The following COL26A1 variants were observed in gnomAD, a reference collection of about 807,000 sequenced individuals.
COL26A1 encodes the protein collagen type XXVI alpha 1 chain.
COL26A1 carries 41 observed loss-of-function variants against 59.3 expected under a neutral mutation model. The ratio of observed to expected loss-of-function variants is 0.69; its 90% CI spans 0.54 to 0.90. The LOEUF is 0.90. Among genes scored for constraint, COL26A1 ranks in the 40% least tolerant of loss-of-function variants. The probability of loss-of-function intolerance (pLI) is 0.00; values close to 1 mark genes in which losing one functional copy is unlikely to be tolerated. For missense variants in COL26A1, 612 were observed against 602.3 expected, an observed-to-expected ratio of 1.02 and a Z score of -0.17; for synonymous variants, 266 against 256.0, an observed-to-expected ratio of 1.04 and a Z score of -0.37.
intron 3 of COL26A1, among the ~76,000 whole-genome samples, chr7:101,521,718 C>G (rs1033595301): frequency 1.1e-4 from 16 of 152,162 alleles, no homozygotes; most frequent in Non-Finnish European, 1.5e-5. Context: ...CCTGTGTAAC[C>G]AGCACCCACA....
intron 1 of COL26A1, among the ~76,000 whole-genome samples, chr7:101,393,525 C>T (rs1484057337): frequency 6.6e-6 from 1 of 152,166 alleles, no homozygotes; most frequent in African/African-American, 2.4e-5. Context: ...GGTGGGTCTG[C>T]CTTTCCCAGC....
At chr7:101,488,731 C>T (rs750324751) in intron 3 of COL26A1, among the ~76,000 whole-genome samples, 4 of 152,166 alleles carry the variant, frequency 2.6e-5, no homozygotes, top group Non-Finnish European at 5.9e-5. Context: ...ACACTGTCGT[C>T]CAGCCATCTC....
chr7:101,469,758 G>A (rs1229082013), intron 3 of COL26A1, among the ~76,000 whole-genome samples: 2 of 152,000 alleles, frequency 1.3e-5, no homozygotes, highest in Non-Finnish European at 2.9e-5. Flanking sequence ...CCAAAGTGAT[G>A]GGATTACAGG....
chr7:101,391,712 G>A (rs991070008), intron 1 of COL26A1, among the ~76,000 whole-genome samples: 11 of 152,022 alleles, frequency 7.2e-5, no homozygotes, highest in Non-Finnish European at 1.5e-4. Flanking sequence ...GTGCCACCAC[G>A]CCCGGCTAAT....
chr7:101,367,534 G>A (rs1050545130), intron 1 of COL26A1, among the ~76,000 whole-genome samples: 5 of 95,488 alleles, frequency 5.2e-5, no homozygotes, highest in African/African-American at 3.5e-4. Context: ...GCGTGGTGGT[G>A]CACACCGGTA....
At chr7:101,403,092 C>T (rs1276849737) in intron 1 of COL26A1, among the ~76,000 whole-genome samples, 2 of 152,126 alleles carry the variant, frequency 1.3e-5, no homozygotes, top group Non-Finnish European at 2.9e-5. Context: ...AATCCTCCCT[C>T]CTCAGCCTCC....
intron 3 of COL26A1, among the ~76,000 whole-genome samples, chr7:101,504,252 C>G (rs1794761572): frequency 6.6e-6 from 1 of 152,198 alleles, no homozygotes; most frequent in Non-Finnish European, 1.5e-5. Flanking sequence ...AGGCGCGTGC[C>G]ACCACACCCC....
intron 12 of COL26A1, among the ~76,000 whole-genome samples, 179 bp downstream of exon 12, chr7:101,556,050 A>G (rs1400016972): frequency 6.6e-6 from 1 of 152,006 alleles, no homozygotes; most frequent in Non-Finnish European, 1.5e-5. Flanking sequence ...CAGACTTCCA[A>G]GTGCATCAGC....
chr7:101,383,093 T>A (rs2117033081), intron 1 of COL26A1, among the ~76,000 whole-genome samples: 1 of 152,224 alleles, frequency 6.6e-6, no homozygotes, highest in East Asian at 1.9e-4. Context: ...GTGTGTTTTT[T>A]AGGAACATGT....
chr7:101,498,450 T>C (rs1179653316), intron 3 of COL26A1, among the ~76,000 whole-genome samples: 2 of 152,168 alleles, frequency 1.3e-5, no homozygotes, highest in Admixed American at 6.5e-5. Flanking sequence ...GAGACCCAGG[T>C]GTGCACAGCC....
intron 3 of COL26A1, among the ~76,000 whole-genome samples, chr7:101,460,277 T>G (rs892230512): frequency 6.6e-6 from 1 of 152,112 alleles, no homozygotes; most frequent in Non-Finnish European, 1.5e-5. Context: ...AGATAAGGAC[T>G]TCGCTAAAGG....
intron 12 of COL26A1, among the ~76,000 whole-genome samples, chr7:101,557,149 A>C (rs1002613271): frequency 2.0e-5 from 3 of 152,116 alleles, no homozygotes; most frequent in African/African-American, 7.2e-5. Flanking sequence ...ACACAGATGG[A>C]TGAATGGGTC....
intron 1 of COL26A1, among the ~76,000 whole-genome samples, chr7:101,364,362 C>G (rs551808655): frequency 6.6e-6 from 1 of 151,276 alleles, no homozygotes; most frequent in African/African-American, 2.4e-5. Context: ...TTTGCAGAGG[C>G]AGAATCTCAA....
At chr7:101,476,246 C>T (rs1794043886) in intron 3 of COL26A1, among the ~76,000 whole-genome samples, 1 of 151,950 alleles carries the variant, frequency 6.6e-6, no homozygotes, top group African/African-American at 2.4e-5. Context: ...GATCTGCCCA[C>T]CTCGACCTCC....
chr7:101,379,196 G>A (rs945711502), intron 1 of COL26A1, among the ~76,000 whole-genome samples: 1 of 152,136 alleles, frequency 6.6e-6, no homozygotes, highest in Non-Finnish European at 1.5e-5. Context: ...GGCCTGCCCC[G>A]GGCACCCATT....
At chr7:101,505,504 G>A (rs1486845721) in intron 3 of COL26A1, among the ~76,000 whole-genome samples, 1 of 152,098 alleles carries the variant, frequency 6.6e-6, no homozygotes, top group East Asian at 1.9e-4. Flanking sequence ...ACAGGATCAC[G>A]AGGTCCCACA....
chr7:101,513,044 T>A (rs1436893899), intron 3 of COL26A1, among the ~76,000 whole-genome samples: 1 of 151,992 alleles, frequency 6.6e-6, no homozygotes, highest in Non-Finnish European at 1.5e-5. Flanking sequence ...TCTCGCTCTG[T>A]CGCCCAGACT....
chr7:101,408,568 A>G (rs1057404848), intron 1 of COL26A1, among the ~76,000 whole-genome samples: 3 of 152,122 alleles, frequency 2.0e-5, no homozygotes, highest in African/African-American at 7.2e-5. Flanking sequence ...CATGGAGGGG[A>G]ACAAGGTGTG....
At chr7:101,400,567 A>G (rs1274423158) in intron 1 of COL26A1, among the ~76,000 whole-genome samples, 1 of 147,836 alleles carries the variant, frequency 6.8e-6, no homozygotes, top group Non-Finnish European at 1.5e-5. Context: ...TTGTTTGTTT[A>G]TTTGTTTTGA....
Sources: gnomAD v4.1 joint callset for allele counts (sites outside exome capture counted in the v4.1 genomes callset) on GRCh38, gnomAD v4.1.1 for gene constraint, MANE v1.5 for transcripts, NCBI Gene and HGNC (gene_info 2026-07-23, HGNC 2026-07-21) for gene names.